The following MTAP variants were observed in gnomAD, a reference collection of about 807,000 sequenced individuals.
MTAP encodes the protein S-methyl-5'-thioadenosine phosphorylase.
In MTAP, 33 loss-of-function variants were observed where a neutral mutation model predicts 33.6. The ratio of observed to expected loss-of-function variants is 0.98; its 90% CI spans 0.74 to 1.31. The LOEUF (loss-of-function observed/expected upper bound fraction) is 1.31, where lower values mean the gene tolerates loss of function less well. Among genes scored for constraint, MTAP ranks in the 40% most tolerant of loss-of-function variants. MTAP has a pLI of 0.00. For synonymous variants in MTAP, 148 were observed against 125.7 expected (o/e 1.18, Z -1.19); for missense variants, 367 against 360.0 (o/e 1.02, Z -0.16).
intron 1 of MTAP, among the ~76,000 whole-genome samples, chr9:21,889,821 A>C (rs1818170410): frequency 6.6e-6 from 1 of 152,124 alleles, no homozygotes; most frequent in Admixed American, 6.5e-5. Context: ...GGACTCTGTG[A>C]AGGTCCTTGG....
At chr9:21,802,865 C>A (rs750204367) in intron 1 of MTAP, 84 bp downstream of exon 1, 70 of 1,566,512 alleles carry the variant, frequency 4.5e-5, no homozygotes, top group Non-Finnish European at 5.6e-5. Context: ...CCTCCGGGGG[C>A]CATGCGCCCG....
In MTAP at chr9:21,865,211, C is replaced by A. The variant is rs2118606699; in HGVS notation, c.*3197C>A. ...CCCCCACACTGCTGTTCTCATGATA[C>A]TGAGTTCTCACAAGTCCTGTTTGTT... On this transcript the variant is annotated 3_prime_UTR_variant, in exon 8 of 8. Transcript: ENST00000644715. 1 of 574,268 alleles carries A rather than the reference C, an allele frequency of 1.7e-6. No individual in the cohort carries two copies. The highest frequency in any genetic ancestry group is 2.2e-6 in the Non-Finnish European group (1 of 454,452). The allele number at this position is 574,268 out of a possible 1,614,324, so 35.6% of individuals were successfully genotyped here.
rs1356388294 is a variant in MTAP, at chr9:21,866,290, T to C, written c.*4276T>C. The C allele has an allele frequency of 6.6e-6, 1 of 152,224 alleles. No individual in the cohort carries two copies. The highest frequency in any genetic ancestry group is 2.4e-5 in the African/African-American group (1 of 41,458). 9.4% of individuals were successfully genotyped at this position (152,224 alleles called of 1,614,324 possible). A position where few individuals can be genotyped will look rare whatever the true frequency, so the allele number is the denominator to read the frequency against. ...TTATATATTCTGGATACACTCTTTT[T>C]CAGATATGTGTGTTGTGACTATTCT... On this transcript the variant is annotated 3_prime_UTR_variant, in exon 8 of 8. Coordinates refer to ENST00000644715, the MANE Select transcript of MTAP (RefSeq NM_002451.4).
At chr9:21,889,217 A>G (rs887239715) in intron 1 of MTAP, among the ~76,000 whole-genome samples, 2 of 152,102 alleles carry the variant, frequency 1.3e-5, no homozygotes, top group Non-Finnish European at 2.9e-5. Flanking sequence ...GTTAATTCAA[A>G]AGCCTTGTCC....
At chr9:21,930,385 CA>C (rs1818938045) in intron 1 of MTAP, 1 of 204,524 alleles carries the variant, frequency 4.9e-6, no homozygotes, top group African/African-American at 2.3e-5. Flanking sequence ...AATGCCTCCT[CA>C]TTAAATGGAC....
At chr9:21,845,600 C>G (rs950168432) in intron 5 of MTAP, among the ~76,000 whole-genome samples, 1 of 151,958 alleles carries the variant, frequency 6.6e-6, no homozygotes, top group African/African-American at 2.4e-5. Flanking sequence ...AAGCAATCTG[C>G]CAAAAAGCAA....
chr9:21,829,373 A>T (rs892625453), intron 4 of MTAP, among the ~76,000 whole-genome samples: 2 of 150,816 alleles, frequency 1.3e-5, no homozygotes, highest in Non-Finnish European at 2.9e-5. Context: ...TTTCTTCCCA[A>T]TGGAGGGCTG....
chr9:21,846,435 C>G (rs1825384022), intron 5 of MTAP, among the ~76,000 whole-genome samples: 1 of 151,294 alleles, frequency 6.6e-6, no homozygotes, highest in Non-Finnish European at 1.5e-5. Flanking sequence ...AAAAAGGTCG[C>G]TAAGTACATG....
At chr9:21,829,925 C>G (rs1016816696) in intron 4 of MTAP, among the ~76,000 whole-genome samples, 1 of 151,482 alleles carries the variant, frequency 6.6e-6, no homozygotes, top group South Asian at 2.1e-4. Context: ...ATCTGAAAAT[C>G]TTTTTTTTTC....
At chr9:21,838,837 G>T (rs142916108) in intron 5 of MTAP, among the ~76,000 whole-genome samples, 2 of 152,224 alleles carry the variant, frequency 1.3e-5, no homozygotes, top group Non-Finnish European at 2.9e-5. Context: ...CAGAAGTATC[G>T]TTAGAGATTA....
intron 5 of MTAP, among the ~76,000 whole-genome samples, chr9:21,841,323 T>C (rs977775583): frequency 6.6e-6 from 1 of 152,238 alleles, no homozygotes; most frequent in African/African-American, 2.4e-5. Flanking sequence ...GCCAGTCAAC[T>C]GAGGCCATTA....
At chr9:21,851,240 C>A (rs372966262) in intron 5 of MTAP, among the ~76,000 whole-genome samples, 2 of 152,174 alleles carry the variant, frequency 1.3e-5, no homozygotes, top group African/African-American at 4.8e-5. Flanking sequence ...AAAGGGAATA[C>A]AGAATGGGTA....
intron 1 of MTAP, among the ~76,000 whole-genome samples, chr9:21,907,340 T>G (rs948169569): frequency 7.9e-5 from 12 of 152,186 alleles, no homozygotes; most frequent in Non-Finnish European, 4.4e-5. Context: ...GCAGATTGCT[T>G]GAGCTCAGGA....
Position 21,862,021 on chromosome 9 carries a change from A to G in MTAP, c.*7A>G, listed in dbSNP as rs766558829. 8.1e-6 allele frequency: 13 copies of G among 1,613,120 alleles called. No individual in the cohort carries two copies. The South Asian group carries it at 1.1e-4, about 14-fold the overall frequency. The stretch of plus-strand genomic sequence containing the variant: ...TTTATTACCAAGACATTAAAGTAGC[A>G]TGGCTGCCCAGGAGAAAAGAAGACA... On this transcript the variant is annotated 3_prime_UTR_variant, in exon 8 of 8. Coordinates refer to ENST00000644715, the MANE Select transcript of MTAP (RefSeq NM_002451.4).
intron 1 of MTAP, among the ~76,000 whole-genome samples, chr9:21,894,452 G>A (rs1186401459): frequency 6.6e-6 from 1 of 151,926 alleles, no homozygotes; most frequent in Admixed American, 6.6e-5. Context: ...AGAAAAAAAA[G>A]AAGTCAACTA....
downstream of MTAP, among the ~76,000 whole-genome samples, chr9:21,867,969 A>G (rs1441728971): frequency 2.6e-5 from 4 of 152,216 alleles, no homozygotes; most frequent in Non-Finnish European, 5.9e-5. Context: ...ATGCACCAGT[A>G]TGGAACAATG....
chr9:21,803,553 G>A (rs961065029), intron 1 of MTAP, among the ~76,000 whole-genome samples: 3 of 152,166 alleles, frequency 2.0e-5, no homozygotes, highest in Admixed American at 1.3e-4. Context: ...TCATTGTGCG[G>A]TGGGAAGCTT....
intron 1 of MTAP, among the ~76,000 whole-genome samples, chr9:21,804,801 C>T (rs1335723120): frequency 6.6e-6 from 1 of 152,190 alleles, no homozygotes; most frequent in African/African-American, 2.4e-5. Context: ...CCAGAAAGGT[C>T]AGCTAAGTAT....
intron 1 of MTAP, among the ~76,000 whole-genome samples, chr9:21,876,641 C>T (rs1183946249): frequency 6.6e-6 from 1 of 152,086 alleles, no homozygotes; most frequent in Non-Finnish European, 1.5e-5. Context: ...TTCCCCATTG[C>T]TTGTTTTTGT....
Sources: allele counts gnomAD v4.1 joint callset (sites outside exome capture counted in the v4.1 genomes callset), GRCh38; gene constraint gnomAD v4.1.1; transcripts MANE v1.5; gene names NCBI Gene and HGNC (gene_info 2026-07-23, HGNC 2026-07-21).